PVT1: variants seen among roughly 807,000 people sequenced by gnomAD.
PVT1 encodes CXCR4/PVT1 fusion.
intron 4 of PVT1, among the ~76,000 whole-genome samples, chr8:128,047,525 G>A (rs184114697): frequency 7.5e-4 from 115 of 152,350 alleles, no homozygotes; most frequent in Admixed American, 2.4e-3. Context: ...TCTTGTAAAG[G>A]ACGCTATTGA....
At chr8:127,817,528 AAT>A (rs36101639) in intron 2 of PVT1, among the ~76,000 whole-genome samples, 31,231 of 67,754 alleles carry the variant, frequency 0.46, 7,118 homozygotes, top group Middle Eastern at 0.68. Flanking sequence ...TATCTATTTA[AAT>A]ATATATATAT....
At chr8:127,937,401 A>G (rs772882675) in intron 3 of PVT1, among the ~76,000 whole-genome samples, 7 of 151,830 alleles carry the variant, frequency 4.6e-5, no homozygotes, top group Non-Finnish European at 8.8e-5. Context: ...GGTGTGTGCC[A>G]TCACGCCCAG....
At chr8:127,821,920 AG>A (rs1033848809) in intron 2 of PVT1, among the ~76,000 whole-genome samples, 3 of 152,202 alleles carry the variant, frequency 2.0e-5, no homozygotes, top group Non-Finnish European at 4.4e-5. Context: ...AGAGTTGTGC[AG>A]GGTACAATCT....
At chr8:128,087,652 A>T (rs1814275332) in intron 5 of PVT1, among the ~76,000 whole-genome samples, 1 of 150,016 alleles carries the variant, frequency 6.7e-6, no homozygotes, top group African/African-American at 2.5e-5. Flanking sequence ...CCTCCTATTT[A>T]CTTTGAATGA....
intron 3 of PVT1, among the ~76,000 whole-genome samples, chr8:127,891,941 C>T (rs1815607244): frequency 6.6e-6 from 1 of 152,174 alleles, no homozygotes; most frequent in African/African-American, 2.4e-5. Flanking sequence ...GAAGGACTGG[C>T]CTCTCAGGTC....
intron 5 of PVT1, among the ~76,000 whole-genome samples, chr8:128,077,143 T>C (rs1318995932): frequency 6.6e-6 from 1 of 152,194 alleles, no homozygotes; most frequent in Non-Finnish European, 1.5e-5. Flanking sequence ...CTCAATGTGG[T>C]TCTGAAGGTG....
chr8:127,801,985 G>T (rs978425762), intron 2 of PVT1, among the ~76,000 whole-genome samples: 1 of 151,674 alleles, frequency 6.6e-6, no homozygotes, highest in Non-Finnish European at 1.5e-5. Flanking sequence ...GCATGATCTC[G>T]GCTCATTGCA....
chr8:128,073,399 A>G (rs941180464), intron 5 of PVT1, among the ~76,000 whole-genome samples: 1 of 151,748 alleles, frequency 6.6e-6, no homozygotes, highest in Non-Finnish European at 1.5e-5. Context: ...TCCTTTTGAC[A>G]CAGGTCACCC....
At chr8:128,006,434 A>C (rs1172386761) in intron 4 of PVT1, among the ~76,000 whole-genome samples, 2 of 152,110 alleles carry the variant, frequency 1.3e-5, no homozygotes, top group Admixed American at 6.5e-5. Flanking sequence ...AATGATGTTT[A>C]CTTCCATCAC....
chr8:127,839,350 C>T (rs1366543352), intron 2 of PVT1, among the ~76,000 whole-genome samples: 2 of 151,722 alleles, frequency 1.3e-5, no homozygotes, highest in Non-Finnish European at 2.9e-5. Context: ...GAGTTTGAGA[C>T]CAGCCTGGGC....
intron 2 of PVT1, among the ~76,000 whole-genome samples, chr8:127,805,376 AC>A (rs1014298830): frequency 1.3e-5 from 2 of 152,114 alleles, no homozygotes; most frequent in African/African-American, 4.8e-5. Context: ...TAAAAAAAAA[AC>A]AAATTCTCAG....
At chr8:127,812,013 G>A (rs1405595834) in intron 2 of PVT1, among the ~76,000 whole-genome samples, 3 of 152,024 alleles carry the variant, frequency 2.0e-5, no homozygotes, top group East Asian at 1.9e-4. Flanking sequence ...AGGCCGAGGC[G>A]GGAGGATCAC....
intron 2 of PVT1, among the ~76,000 whole-genome samples, chr8:127,869,272 A>G (rs990380155): frequency 2.0e-5 from 3 of 151,900 alleles, no homozygotes; most frequent in Non-Finnish European, 4.4e-5. Flanking sequence ...CTGGGATTAC[A>G]GGCATGCACC....
rs117180713 is a variant in PVT1, at chr8:127,831,564, G to A, written n.372+35493G>A. 4.6e-3 allele frequency among the ~76,000 whole-genome samples: 693 copies of A among 152,288 alleles called. 3 individuals carry two copies. Among genetic ancestry groups the A allele is most frequent in the Non-Finnish European group, 7.0e-3 (479 of 68,020 alleles). On this transcript the variant is annotated intron_variant and non_coding_transcript_variant, in intron 2 of 10. Coordinates refer to ENST00000651587, the Ensembl canonical transcript of PVT1. Reference sequence around the variant, plus strand: ...TGGGATCCAAATCCATGGGAGTGGAGTATAGATAGAAAAGTGGACATAGGA... The same window carrying A: ...TGGGATCCAAATCCATGGGAGTGGAATATAGATAGAAAAGTGGACATAGGA...
chr8:128,052,212 G>C (rs1480950381), intron 4 of PVT1, among the ~76,000 whole-genome samples: 3 of 152,118 alleles, frequency 2.0e-5, no homozygotes. Flanking sequence ...TGGGTCCCTG[G>C]GGGCCAGACT....
At chr8:128,078,361 T>C (rs1399644581) in intron 5 of PVT1, among the ~76,000 whole-genome samples, 2 of 152,242 alleles carry the variant, frequency 1.3e-5, no homozygotes, top group African/African-American at 4.8e-5. Context: ...TTGAAGCACC[T>C]GGTGACTCTA....
chr8:128,085,906 C>A (rs535629040), intron 5 of PVT1, among the ~76,000 whole-genome samples: 1 of 152,256 alleles, frequency 6.6e-6, no homozygotes, highest in Non-Finnish European at 1.5e-5. Context: ...GCAAATGTAC[C>A]TTTGTATGAA....
At chr8:127,885,602 C>T (rs1173586270) in intron 2 of PVT1, among the ~76,000 whole-genome samples, 8 of 152,110 alleles carry the variant, frequency 5.3e-5, no homozygotes, top group Non-Finnish European at 1.2e-4. Context: ...TTTCAAAGGC[C>T]TCCCCTTTTG....
intron 4 of PVT1, among the ~76,000 whole-genome samples, chr8:128,053,473 A>G (rs1586499660): frequency 6.7e-6 from 1 of 150,174 alleles, no homozygotes; most frequent in East Asian, 1.9e-4. Context: ...TATAGGTATT[A>G]ATATATATAG....
Sources: gnomAD v4.1 joint callset for allele counts (sites outside exome capture counted in the v4.1 genomes callset) on GRCh38, gnomAD v4.1.1 for gene constraint, MANE v1.5 for transcripts, NCBI Gene and HGNC (gene_info 2026-07-23, HGNC 2026-07-21) for gene names.